SLC39A11: variants seen among roughly 807,000 people sequenced by gnomAD.
The protein encoded by SLC39A11 is zinc transporter ZIP11.
SLC39A11 carries 33 observed loss-of-function variants against 36.1 expected under a neutral mutation model. That is an observed-to-expected ratio of 0.91 (90% CI 0.69 to 1.22). The LOEUF is 1.22. Among genes scored for constraint, SLC39A11 ranks in the 50% most tolerant of loss-of-function variants. SLC39A11 has a pLI of 0.00. For missense variants in SLC39A11, 432 were observed against 430.3 expected, an observed-to-expected ratio of 1.00 and a Z score of -0.03; for synonymous variants, 166 against 170.3, an observed-to-expected ratio of 0.97 and a Z score of 0.20.
intron 7 of SLC39A11, among the ~76,000 whole-genome samples, chr17:72,665,389 G>GTTTTTTTTTTTTTGT (rs2070690845): frequency 2.6e-5 from 2 of 76,614 alleles, no homozygotes; most frequent in South Asian, 1.0e-3. Context: ...GTTTTGAGGT[G>GTTTTTTTTTTTTTGT]TTTTTTTTTT....
intron 5 of SLC39A11, among the ~76,000 whole-genome samples, chr17:72,881,606 T>A (rs1322790232): frequency 2.6e-5 from 4 of 152,240 alleles, no homozygotes; most frequent in Non-Finnish European, 4.4e-5. Flanking sequence ...CAAAGCCTTT[T>A]TAAAATTTTT....
At chr17:73,023,130 G>A (rs1165163224) in intron 4 of SLC39A11, among the ~76,000 whole-genome samples, 3 of 152,010 alleles carry the variant, frequency 2.0e-5, no homozygotes, top group African/African-American at 7.2e-5. Context: ...CCAGCCCACT[G>A]TTCCAGTGTC....
intron 3 of SLC39A11, among the ~76,000 whole-genome samples, chr17:73,065,915 A>T (rs1414898899): frequency 6.6e-6 from 1 of 152,212 alleles, no homozygotes; most frequent in Admixed American, 6.5e-5. Context: ...AGAAAACAAG[A>T]CAAAGGGGAA....
chr17:72,737,467 C>T (rs1034238613), intron 6 of SLC39A11, among the ~76,000 whole-genome samples: 1 of 152,070 alleles, frequency 6.6e-6, no homozygotes, highest in Non-Finnish European at 1.5e-5. Context: ...CTTTCTGGAA[C>T]TTTCATAACC....
intron 7 of SLC39A11, among the ~76,000 whole-genome samples, chr17:72,656,968 C>T (rs2070156144): frequency 6.7e-6 from 1 of 150,098 alleles, no homozygotes; most frequent in African/African-American, 2.5e-5. Flanking sequence ...ATAGCAAGAC[C>T]CTGTCTGTAT....
At chr17:72,888,894 C>A (rs1440771895) in intron 5 of SLC39A11, among the ~76,000 whole-genome samples, 1 of 151,900 alleles carries the variant, frequency 6.6e-6, no homozygotes, top group African/African-American at 2.4e-5. Context: ...ATAGCAAGAC[C>A]CTGTCTCTCA....
chr17:72,947,884 A>G lies in SLC39A11; in HGVS notation c.307-9T>C. On this transcript the variant is annotated splice_polypyrimidine_tract_variant and intron_variant, in intron 4 of 9. Transcript: ENST00000255559. ...GGGTCTTCTGCTGCACCCTGAAACA[A>G]GAAGCGGTAACATCACTAGAGCACC... The G allele has an allele frequency of 6.2e-7, 1 of 1,613,142 alleles. No individual in the cohort carries two copies. The highest frequency in any genetic ancestry group is 8.5e-7 in the Non-Finnish European group (1 of 1,180,022).
intron 7 of SLC39A11, among the ~76,000 whole-genome samples, chr17:72,717,294 G>A (rs1428634866): frequency 1.3e-5 from 2 of 152,110 alleles, no homozygotes; most frequent in African/African-American, 2.4e-5. Flanking sequence ...CGCCGATGGA[G>A]GTAGGGAGAC....
At chr17:73,089,252 G>A (rs368231299) in intron 1 of SLC39A11, among the ~76,000 whole-genome samples, 13 of 151,978 alleles carry the variant, frequency 8.6e-5, no homozygotes, top group East Asian at 1.9e-4. Context: ...CTGCAACAGC[G>A]CACCTGCCCA....
chr17:72,902,764 A>ACCAGTGGGTACCCCTCTGGTTTCTT (rs531374502), intron 5 of SLC39A11, among the ~76,000 whole-genome samples: 12 of 152,072 alleles, frequency 7.9e-5, no homozygotes, highest in African/African-American at 2.4e-4. Context: ...TAGCTTAACA[A>ACCAGTGGGTACCCCTCTGGTTTCTT]CCAGTGGGTA....
At chr17:73,046,296 C>T (rs2059288429) in intron 3 of SLC39A11, among the ~76,000 whole-genome samples, 1 of 152,106 alleles carries the variant, frequency 6.6e-6, no homozygotes, top group Non-Finnish European at 1.5e-5. Context: ...TTCCACCACT[C>T]GTGAAAATAC....
At chr17:72,802,449 G>A (rs1285894398) in intron 6 of SLC39A11, among the ~76,000 whole-genome samples, 1 of 151,848 alleles carries the variant, frequency 6.6e-6, no homozygotes, top group African/African-American at 2.4e-5. Flanking sequence ...AATTAGCTGG[G>A]CACGGTGGCG....
At chr17:72,843,313 T>C (rs956377610) in intron 6 of SLC39A11, among the ~76,000 whole-genome samples, 7 of 152,154 alleles carry the variant, frequency 4.6e-5, no homozygotes, top group African/African-American at 1.7e-4. Flanking sequence ...ACACCCAGAA[T>C]TGTCTGCAAA....
At chr17:72,870,437 T>C (rs1381652141) in intron 5 of SLC39A11, among the ~76,000 whole-genome samples, 1 of 152,266 alleles carries the variant, frequency 6.6e-6, no homozygotes, top group Non-Finnish European at 1.5e-5. Flanking sequence ...TAGAAAATTA[T>C]TCCTGGCTTC....
intron 7 of SLC39A11, among the ~76,000 whole-genome samples, chr17:72,702,735 C>A (rs1329538248): frequency 1.3e-5 from 2 of 151,642 alleles, no homozygotes; most frequent in East Asian, 3.9e-4. Flanking sequence ...TCAGGAGTTC[C>A]AGACCAGCTT....
At chr17:72,993,966 C>T (rs763248720) in intron 4 of SLC39A11, among the ~76,000 whole-genome samples, 9 of 152,064 alleles carry the variant, frequency 5.9e-5, no homozygotes, top group Non-Finnish European at 8.8e-5. Context: ...ATCATGGGGG[C>T]GGGTGTTTCC....
intron 5 of SLC39A11, among the ~76,000 whole-genome samples, chr17:72,923,555 T>C (rs756515786): frequency 7.2e-5 from 11 of 152,028 alleles, no homozygotes; most frequent in Non-Finnish European, 1.3e-4. Flanking sequence ...GATAGAGAAA[T>C]AGTGACCCGT....
intron 7 of SLC39A11, among the ~76,000 whole-genome samples, chr17:72,698,121 G>C (rs1430451870): frequency 5.3e-5 from 8 of 152,190 alleles, no homozygotes; most frequent in Non-Finnish European, 2.9e-5. Flanking sequence ...CTGGCTGGAG[G>C]TGGGGTACTT....
chr17:72,661,751 T>C (rs972353270), intron 7 of SLC39A11, among the ~76,000 whole-genome samples: 1 of 152,130 alleles, frequency 6.6e-6, no homozygotes, highest in African/African-American at 2.4e-5. Context: ...ACCCTCTTGG[T>C]GCAGTTCTCG....
Sources: allele counts gnomAD v4.1 joint callset (sites outside exome capture counted in the v4.1 genomes callset), GRCh38; gene constraint gnomAD v4.1.1; transcripts MANE v1.5; gene names NCBI Gene and HGNC (gene_info 2026-07-23, HGNC 2026-07-21).